The following KIAA1328 variants were observed in gnomAD, a reference collection of about 807,000 sequenced individuals.
KIAA1328 encodes protein hinderin.
Under a neutral mutation model 68.1 loss-of-function variants are expected in KIAA1328, and 52 were observed. The observed-to-expected ratio is 0.76, with a 90% CI of 0.61 to 0.96. The LOEUF (loss-of-function observed/expected upper bound fraction) is 0.96. KIAA1328 is among the 40% of genes least tolerant of loss of function. The pLI is 0.00. For missense variants in KIAA1328, 641 were observed against 677.6 expected (o/e 0.95, Z 0.60); for synonymous variants, 232 against 239.4 (o/e 0.97, Z 0.28).
intron 7 of KIAA1328, among the ~76,000 whole-genome samples, chr18:37,109,921 T>G (rs1434066751): frequency 6.6e-6 from 1 of 152,108 alleles, no homozygotes; most frequent in Non-Finnish European, 1.5e-5. Context: ...TTCTACACAG[T>G]AACTGCTTAT....
chr18:36,856,495 C>T (rs1306906148), intron 4 of KIAA1328, among the ~76,000 whole-genome samples: 2 of 152,238 alleles, frequency 1.3e-5, no homozygotes, highest in African/African-American at 2.4e-5. Context: ...TTATACTTCT[C>T]AGGTCCTGAA....
At chr18:36,949,229 T>A (rs2051041872) in intron 5 of KIAA1328, among the ~76,000 whole-genome samples, 1 of 152,120 alleles carries the variant, frequency 6.6e-6, no homozygotes, top group African/African-American at 2.4e-5. Context: ...AGCTGAAACA[T>A]AGAACTTTTA....
intron 6 of KIAA1328, among the ~76,000 whole-genome samples, chr18:36,972,219 G>A (rs947672695): frequency 2.0e-5 from 3 of 152,126 alleles, no homozygotes; most frequent in Non-Finnish European, 2.9e-5. Context: ...GAACACATGC[G>A]AAAAGAAATA....
At chr18:37,075,549 A>G (rs963166968) in intron 7 of KIAA1328, 1 of 152,220 alleles carries the variant, frequency 6.6e-6, no homozygotes, top group Non-Finnish European at 1.5e-5. Flanking sequence ...AATTGGATAA[A>G]GAGTCAAGAC....
At chr18:36,918,451 C>T (rs527288420) in intron 5 of KIAA1328, among the ~76,000 whole-genome samples, 8 of 136,558 alleles carry the variant, frequency 5.9e-5, no homozygotes, top group East Asian at 4.3e-4. Context: ...CTTGCTGTGT[C>T]GGCCAGGCTA....
At position 37,067,553 on chromosome 18, in the gene KIAA1328, C is replaced by T. The variant is rs774604253; in HGVS notation, c.1232+8C>T. On this transcript the variant is annotated splice_region_variant and intron_variant, in intron 7 of 9. Coordinates refer to ENST00000280020, the MANE Select transcript of KIAA1328 (RefSeq NM_020776.3). ...TCGACTGGATTACAATTGGTGAGTA[C>T]TGCCTGTTCTTTTTTTTTTTTTTTT... The T allele has an allele frequency of 1.2e-5, 18 of 1,463,798 alleles. No individual in the cohort carries two copies. Among genetic ancestry groups the T allele is most frequent in the African/African-American group, 3.0e-5 (2 of 67,128 alleles). The allele number at this position is 1,463,798 out of a possible 1,614,324, so 90.7% of individuals were successfully genotyped here. A position where few individuals can be genotyped will look rare whatever the true frequency, so the allele number is the denominator to read the frequency against.
rs112154712 is a variant in KIAA1328, at chr18:37,159,001, T to C, written c.1233-1199T>C. ...GTGCAATTTGTATAACCCTAAGTTATACATCTTCTGGTGGGTCTGAGAGGA... is the reference window on the plus strand; with the variant it reads ...GTGCAATTTGTATAACCCTAAGTTACACATCTTCTGGTGGGTCTGAGAGGA... On this transcript the variant is annotated intron_variant, in intron 7 of 9. Coordinates refer to ENST00000280020, the MANE Select transcript of KIAA1328 (RefSeq NM_020776.3). 9.0e-3 allele frequency among the ~76,000 whole-genome samples: 1,374 copies of C among 152,234 alleles called. 22 individuals are homozygous for C. The highest frequency in any genetic ancestry group is 0.031 in the African/African-American group (1,280 of 41,528).
At chr18:36,911,335 T>G (rs1373673656) in intron 5 of KIAA1328, among the ~76,000 whole-genome samples, 1 of 152,208 alleles carries the variant, frequency 6.6e-6, no homozygotes, top group African/African-American at 2.4e-5. Flanking sequence ...GGAATTCGAA[T>G]TGTGACTATG....
rs1052184923 is a variant in KIAA1328, at chr18:36,891,640, C to A, written c.448+5968C>A. On this transcript the variant is annotated intron_variant, in intron 5 of 9. Coordinates refer to ENST00000280020, the MANE Select transcript of KIAA1328 (RefSeq NM_020776.3). ...CCAAGTGGCAGCAAAGGTCATTATT[C>A]CATTCTGTTTTCTGGCTTAGTAGTA... Among the ~76,000 whole-genome samples, 4 of 152,140 alleles carry A rather than the reference C, an allele frequency of 2.6e-5. No homozygotes were observed. In the East Asian group the frequency reaches 5.8e-4, roughly 22 times the overall value.
At chr18:36,986,120 A>C (rs916287024) in intron 6 of KIAA1328, among the ~76,000 whole-genome samples, 1 of 152,146 alleles carries the variant, frequency 6.6e-6, no homozygotes, top group African/African-American at 2.4e-5. Context: ...TTTACTCAAG[A>C]GAAGTGAAAG....
intron 1 of KIAA1328, chr18:36,832,647 A>G (rs1231425817): frequency 2.0e-5 from 3 of 151,918 alleles, no homozygotes; most frequent in African/African-American, 7.3e-5. Flanking sequence ...TATAACATAT[A>G]AGGTTGTTGG....
At chr18:37,137,969 C>T (rs1405033709) in intron 7 of KIAA1328, among the ~76,000 whole-genome samples, 4 of 152,130 alleles carry the variant, frequency 2.6e-5, no homozygotes, top group Non-Finnish European at 4.4e-5. Flanking sequence ...ATCTCTACCC[C>T]GCCCCTGACC....
In KIAA1328 at chr18:36,974,911, TCAGA is replaced by T. The variant is rs562672277; in HGVS notation, c.576+15479_576+15482del. On this transcript the variant is annotated intron_variant, in intron 6 of 9. Transcript: ENST00000280020. ...ATAATCTAGTACTAAACAGATTGTCTCAGACAAAGTATGAGTGAATTTTTGCTCT... is the reference window on the plus strand; with the variant it reads ...ATAATCTAGTACTAAACAGATTGTCTCAAAGTATGAGTGAATTTTTGCTCT... 5.3e-5 allele frequency among the ~76,000 whole-genome samples: 8 copies of T among 152,316 alleles called. 1 individual carries two copies. In the South Asian group the frequency reaches 1.2e-3, roughly 24 times the overall value.
At chr18:36,983,683 C>T (rs762519815) in intron 6 of KIAA1328, among the ~76,000 whole-genome samples, 2 of 152,060 alleles carry the variant, frequency 1.3e-5, no homozygotes, top group Non-Finnish European at 2.9e-5. Context: ...CTGGTAAATT[C>T]TACCAAACAT....
intron 6 of KIAA1328, among the ~76,000 whole-genome samples, chr18:37,018,942 G>A (rs1251931021): frequency 6.6e-6 from 1 of 151,918 alleles, no homozygotes; most frequent in East Asian, 1.9e-4. Flanking sequence ...TTCTGTTTTG[G>A]TTACAGACCA....
chr18:36,866,223 A>G (rs942050939), intron 4 of KIAA1328, among the ~76,000 whole-genome samples: 14 of 152,066 alleles, frequency 9.2e-5, no homozygotes, highest in Non-Finnish European at 1.6e-4. Flanking sequence ...GGTTCTGCCA[A>G]ATCATGCTAG....
At chr18:37,165,780 A>G (rs558603621) in intron 8 of KIAA1328, among the ~76,000 whole-genome samples, 11 of 151,914 alleles carry the variant, frequency 7.2e-5, no homozygotes, top group African/African-American at 2.7e-4. Flanking sequence ...TTTAGTAGCA[A>G]CAGGGTTTCA....
intron 7 of KIAA1328, among the ~76,000 whole-genome samples, chr18:37,125,218 G>C (rs538035066): frequency 6.6e-6 from 1 of 152,076 alleles, no homozygotes; most frequent in African/African-American, 2.4e-5. Context: ...TGCTCAGGAG[G>C]TTGAGGTAGG....
intron 4 of KIAA1328, among the ~76,000 whole-genome samples, chr18:36,875,463 T>C (rs9949222): frequency 0.1 from 15,490 of 152,190 alleles, 2,652 homozygotes; most frequent in African/African-American, 0.35. Flanking sequence ...TTTGGCTCTC[T>C]GTTTGTCTAT....
Sources: gnomAD v4.1 joint callset for allele counts (sites outside exome capture counted in the v4.1 genomes callset) on GRCh38, gnomAD v4.1.1 for gene constraint, MANE v1.5 for transcripts, NCBI Gene and HGNC (gene_info 2026-07-23, HGNC 2026-07-21) for gene names.